Variants in CABP1 observed in about 807,000 individuals in gnomAD.
CABP1 encodes calcium-binding protein 1.
Under a neutral mutation model 34.3 loss-of-function variants are expected in CABP1, and 17 were observed. That is an observed-to-expected ratio of 0.50 (90% CI 0.34 to 0.74). CABP1 has a LOEUF of 0.74. Ranked by LOEUF, CABP1 falls within the 30% of genes least tolerant of loss-of-function variation. The pLI is 0.01. For missense variants in CABP1, 373 were observed against 511.1 expected, an observed-to-expected ratio of 0.73 and a Z score of 2.61; for synonymous variants, 198 against 229.2, an observed-to-expected ratio of 0.86 and a Z score of 1.23.
At chr12:120,675,166 C>T in the CABP1 span, among the ~76,000 whole-genome samples, 29,328 of 151,922 alleles carry the variant, frequency 0.19, 3,125 homozygotes, top group Middle Eastern at 0.35. Context: ...GATTCTCCCA[C>T]CTCAGCCTCC....
At chr12:120,678,062 G>A in the CABP1 span, among the ~76,000 whole-genome samples, 1 of 152,164 alleles carries the variant, frequency 6.6e-6, no homozygotes, top group African/African-American at 2.4e-5. Context: ...TGGTCCCTCT[G>A]TGGTCTAACT....
At chr12:120,675,669 C>T in the CABP1 span, among the ~76,000 whole-genome samples, 1 of 152,224 alleles carries the variant, frequency 6.6e-6, no homozygotes, top group African/African-American at 2.4e-5. Context: ...TTTGTATCTG[C>T]TTATTGTTTG....
In CABP1 at chr12:120,660,907, A is replaced by G. The variant is rs534409658; in HGVS notation, c.939+67A>G. On this transcript the variant is annotated intron_variant, in intron 4 of 5. Coordinates refer to ENST00000316803, the MANE Select transcript of CABP1 (RefSeq NM_001033677.2). This position sits in a 1 kb window ranked among gnomAD's most constrained non-coding sequence, Gnocchi z 5.0. Reference sequence around the variant, plus strand: ...TCCTATCTGCAGTATAAATACTTCAAAAGAAGCCTGAGCCTCAAGTCCCAG... The same window carrying G: ...TCCTATCTGCAGTATAAATACTTCAGAAGAAGCCTGAGCCTCAAGTCCCAG... 6.3e-6 allele frequency: 9 copies of G among 1,417,502 alleles called. No individual in the cohort carries two copies. In the Admixed American group the frequency reaches 6.9e-5, roughly 11 times the overall value. The allele number at this position is 1,417,502 out of a possible 1,614,324, so 87.8% of individuals were successfully genotyped here. A position where few individuals can be genotyped will look rare whatever the true frequency, so the allele number is the denominator to read the frequency against.
chr12:120,677,917 G>A, the CABP1 span, among the ~76,000 whole-genome samples: 4 of 152,178 alleles, frequency 2.6e-5, no homozygotes, highest in African/African-American at 9.7e-5. Context: ...CCTCTTGGGG[G>A]ACATGAAGAC....
At chr12:120,677,485 C>T in the CABP1 span, among the ~76,000 whole-genome samples, 1 of 149,526 alleles carries the variant, frequency 6.7e-6, no homozygotes, top group Non-Finnish European at 1.5e-5. Flanking sequence ...AAGCCTCTGC[C>T]TCCTGGGCTC....
chr12:120,666,037 G>C (rs1416670402), intron 5 of CABP1, among the ~76,000 whole-genome samples: 2 of 141,668 alleles, frequency 1.4e-5, no homozygotes, highest in Admixed American at 7.1e-5. Flanking sequence ...AAAAAGAAAA[G>C]AGAGAGAGAG....
chr12:120,665,700 G>GC lies in CABP1; in HGVS notation c.1088-1173dup, dbSNP rs199776403. On this transcript the variant is annotated intron_variant, in intron 5 of 5. Transcript: ENST00000316803. ...ATCTCCGTACTTTCTAATCCGTTTT[G>GC]CCATAAACCTAAAATTGCCCTTAAA... is the stretch of plus-strand genomic sequence containing the variant. Among the ~76,000 whole-genome samples the GC allele has an allele frequency of 6.1e-5, 9 of 146,488 alleles. No individual in the cohort carries two copies. In the Admixed American group the frequency reaches 6.2e-4, roughly 10 times the overall value.
downstream of CABP1, among the ~76,000 whole-genome samples, chr12:120,672,272 A>G (rs1030710442): frequency 1.3e-5 from 2 of 152,182 alleles, no homozygotes; most frequent in African/African-American, 4.8e-5. Flanking sequence ...TGACATCCAC[A>G]AACTCCAAAC....
intron 1 of CABP1, among the ~76,000 whole-genome samples, chr12:120,643,562 A>G (rs1238425547): frequency 6.6e-6 from 1 of 152,198 alleles, no homozygotes; most frequent in Non-Finnish European, 1.5e-5. Context: ...AACTTAAGTG[A>G]ATTGCTTAAC....
intron 5 of CABP1, among the ~76,000 whole-genome samples, chr12:120,664,790 G>C (rs546907387): frequency 1.3e-5 from 2 of 151,812 alleles, no homozygotes; most frequent in Non-Finnish European, 2.9e-5. Flanking sequence ...ACACAGAATC[G>C]CTTGAACCCG....
At chr12:120,659,323 G>A (rs902396341) in intron 1 of CABP1, 1 of 153,352 alleles carries the variant, frequency 6.5e-6, no homozygotes. Flanking sequence ...GGATGGCCCT[G>A]CCTTCCCTCC....
At chr12:120,649,453 G>T (rs1441625868) in intron 1 of CABP1, among the ~76,000 whole-genome samples, 2 of 152,180 alleles carry the variant, frequency 1.3e-5, no homozygotes, top group Admixed American at 1.3e-4. Flanking sequence ...TCTCAAACCG[G>T]ACATCTGAGG....
the CABP1 span, among the ~76,000 whole-genome samples, chr12:120,680,057 A>G: frequency 4.6e-5 from 7 of 152,018 alleles, no homozygotes; most frequent in Non-Finnish European, 7.4e-5. Context: ...CTGTAATCCC[A>G]GCTACTCAAG....
At chr12:120,675,072 A>T in the CABP1 span, among the ~76,000 whole-genome samples, 1 of 150,162 alleles carries the variant, frequency 6.7e-6, no homozygotes, top group African/African-American at 2.5e-5. Context: ...TTGTTTTTTG[A>T]GGCAAAATCT....
the CABP1 span, among the ~76,000 whole-genome samples, chr12:120,678,547 GGCAC>G: frequency 1.3e-5 from 2 of 152,168 alleles, no homozygotes; most frequent in Non-Finnish European, 2.9e-5. Context: ...CTATGGGCCA[GGCAC>G]GCTGTGAATG....
chr12:120,661,375 C>G lies in CABP1; in HGVS notation c.1087+157C>G, dbSNP rs1880620420. 1.4e-6 allele frequency: 1 copy of G among 698,638 alleles called. No homozygotes were observed. The highest frequency in any genetic ancestry group is 1.8e-5 in the African/African-American group (1 of 55,602). 43.3% of individuals were successfully genotyped at this position (698,638 alleles called of 1,614,324 possible). On this transcript the variant is annotated intron_variant, in intron 5 of 5. Coordinates refer to ENST00000316803, the MANE Select transcript of CABP1 (RefSeq NM_001033677.2). The surrounding 1 kb of genome is among the most constrained non-coding windows in gnomAD (Gnocchi z 5.1). ...CCCTCCGTCCATGCCCCCGTCTAATCCATCTCCCATCCCTTCCCCATGCAT... is the reference window on the plus strand; with the variant it reads ...CCCTCCGTCCATGCCCCCGTCTAATGCATCTCCCATCCCTTCCCCATGCAT...
At chr12:120,677,146 G>T in the CABP1 span, among the ~76,000 whole-genome samples, 3 of 147,566 alleles carry the variant, frequency 2.0e-5, no homozygotes, top group Non-Finnish European at 4.5e-5. Flanking sequence ...GGAGTGCAGT[G>T]GCATGATCTC....
chr12:120,664,892 AG>A (rs202140022), intron 5 of CABP1, among the ~76,000 whole-genome samples: 120 of 146,744 alleles, frequency 8.2e-4, no homozygotes, highest in Middle Eastern at 3.5e-3. Context: ...AAAAAAAAAA[AG>A]AGAGAGAGAG....
the CABP1 span, among the ~76,000 whole-genome samples, chr12:120,673,719 C>T: frequency 2.0e-5 from 3 of 152,210 alleles, no homozygotes; most frequent in Admixed American, 6.5e-5. Context: ...GAGGTCTCAG[C>T]TTCCTCATCT....
Sources: gnomAD v4.1 joint callset for allele counts (sites outside exome capture counted in the v4.1 genomes callset) on GRCh38, gnomAD v4.1.1 for gene constraint, Gnocchi (gnomAD v3.1) non-coding constraint, MANE v1.5 for transcripts, NCBI Gene and HGNC (gene_info 2026-07-23, HGNC 2026-07-21) for gene names.